Variants in MSN observed in about 807,000 individuals in gnomAD.
The protein encoded by MSN is epididymis luminal protein 70.
In MSN, 2 loss-of-function variants were observed where a neutral mutation model predicts 48.0. The observed-to-expected ratio is 0.04, with a 90% CI of 0.02 to 0.13. The LOEUF (loss-of-function observed/expected upper bound fraction) is 0.13, where lower values mean the gene tolerates loss of function less well. Ranked by LOEUF, MSN falls within the 10% of genes least tolerant of loss-of-function variation. MSN has a pLI of 1.00. For synonymous variants in MSN, 146 were observed against 166.9 expected (o/e 0.87, Z 0.97); for missense variants, 267 against 470.1 (o/e 0.57, Z 3.99).
intron 1 of MSN, among the ~76,000 whole-genome samples, chrX:65,682,388 T>C (rs2071065608): frequency 8.9e-6 from 1 of 112,453 alleles, no homozygotes; most frequent in African/African-American, 3.2e-5. Flanking sequence ...TTTATTGTTG[T>C]TGTTGGGACC....
chrX:65,591,646 G>A (rs1488553945), intron 1 of MSN, among the ~76,000 whole-genome samples: 18 of 111,918 alleles, frequency 1.6e-4, no homozygotes, highest in African/African-American at 5.8e-4. Flanking sequence ...TTACCTGCAG[G>A]TCATACTTTT....
chrX:65,659,136 G>T (rs749992394), intron 1 of MSN, among the ~76,000 whole-genome samples: 1 of 107,563 alleles, frequency 9.3e-6, no homozygotes, highest in African/African-American at 3.4e-5. Context: ...GAGCCACCGT[G>T]CCTGGCTACC....
At chrX:65,629,589 C>T (rs1434593523) in intron 1 of MSN, among the ~76,000 whole-genome samples, 1 of 111,742 alleles carries the variant, frequency 8.9e-6, no homozygotes, top group African/African-American at 3.3e-5. Context: ...ACTTACAGTT[C>T]CACATGGCTG....
chrX:65,616,045 G>T (rs2070368280), intron 1 of MSN, among the ~76,000 whole-genome samples: 1 of 111,124 alleles, frequency 9.0e-6, no homozygotes, highest in Non-Finnish European at 1.9e-5. Flanking sequence ...TGAGGGCTGT[G>T]TTCTGTTCCA....
At chrX:65,611,294 C>T (rs1199953103) in intron 1 of MSN, among the ~76,000 whole-genome samples, 5 of 109,407 alleles carry the variant, frequency 4.6e-5, no homozygotes, top group South Asian at 3.9e-4. Flanking sequence ...CAAGTAGCTG[C>T]GATTACAGGT....
intron 1 of MSN, among the ~76,000 whole-genome samples, chrX:65,643,296 G>A (rs2070671410): frequency 9.0e-6 from 1 of 111,450 alleles, no homozygotes; most frequent in Non-Finnish European, 1.9e-5. Context: ...ACCTTAAGCT[G>A]CCAGGAAAGG....
intron 9 of MSN, 72 bp from the exon 10 acceptor site, chrX:65,737,106 C>T (rs1282559840): frequency 2.6e-6 from 3 of 1,147,946 alleles, no homozygotes; most frequent in South Asian, 4.0e-5. Context: ...TGGATCATTT[C>T]CAGGAACGAA....
intron 1 of MSN, among the ~76,000 whole-genome samples, chrX:65,611,372 C>A (rs1209316743): frequency 9.0e-6 from 1 of 110,704 alleles, no homozygotes; most frequent in Non-Finnish European, 1.9e-5. Context: ...GTTGCCCAGG[C>A]TGATCTCAAA....
intron 8 of MSN, among the ~76,000 whole-genome samples, chrX:65,735,778 T>G (rs1430808790): frequency 8.9e-6 from 1 of 112,216 alleles, no homozygotes; most frequent in Non-Finnish European, 1.9e-5. Flanking sequence ...AATCTCTGCT[T>G]TTGTGAAGCT....
At chrX:65,719,608 C>CA (rs1164837997) in intron 2 of MSN, among the ~76,000 whole-genome samples, 13 of 111,691 alleles carry the variant, frequency 1.2e-4, no homozygotes, top group African/African-American at 3.9e-4. Flanking sequence ...TTGCTTTAGA[C>CA]AGCAGTATCA....
intron 1 of MSN, among the ~76,000 whole-genome samples, chrX:65,704,814 G>A (rs1569464823): frequency 9.7e-6 from 1 of 103,613 alleles, no homozygotes; most frequent in East Asian, 3.0e-4. Context: ...CCGTCACCCA[G>A]GCTGGAGTGC....
chrX:65,736,594 C>A (rs2071678669), intron 8 of MSN, among the ~76,000 whole-genome samples: 1 of 110,514 alleles, frequency 9.0e-6, no homozygotes, highest in Non-Finnish European at 1.9e-5. Context: ...GCCACTATGC[C>A]CAGCCAATTT....
intron 1 of MSN, among the ~76,000 whole-genome samples, chrX:65,694,013 A>C (rs752716718): frequency 9.1e-6 from 1 of 109,922 alleles, no homozygotes; most frequent in Non-Finnish European, 1.9e-5. Flanking sequence ...AGATCGCACC[A>C]CTGCACTACA....
intron 1 of MSN, among the ~76,000 whole-genome samples, chrX:65,674,219 C>G (rs1008392923): frequency 2.3e-4 from 26 of 111,647 alleles, no homozygotes; most frequent in African/African-American, 8.5e-4. Flanking sequence ...CTAGGCCTTG[C>G]TGTCCTAAGA....
At chrX:65,726,635 G>A (rs1157432981) in intron 2 of MSN, among the ~76,000 whole-genome samples, 1 of 110,978 alleles carries the variant, frequency 9.0e-6, no homozygotes, top group Non-Finnish European at 1.9e-5. Context: ...GCATGTGTGT[G>A]TGTGTATTTT....
Position 65,731,851 on chromosome X carries a change from C to A in MSN, c.565C>A (p.Leu189Met), listed in dbSNP as rs1306491560. ...TGTGTCATTTAGGGAGGATGCTGTC[C>A]TGGAATATCTGAAGATTGCTCAAGA... ...HRGMLREDAVLEYLKIAQDLE... is the reference protein window; with the variant it reads ...HRGMLREDAVMEYLKIAQDLE... The change falls in exon 6 of 13, where the codon CTG (leucine) becomes ATG (methionine). Residue 189 changes from leucine (L) to methionine (M), a missense_variant. Leu to Met is a conservative substitution (Grantham distance 15). Coordinates refer to ENST00000360270, the MANE Select transcript of MSN (RefSeq NM_002444.3). 2.5e-6 allele frequency: 3 copies of A among 1,206,255 alleles called. No homozygotes were observed. In the African/African-American group the frequency reaches 5.3e-5, roughly 21 times the overall value.
chrX:65,654,630 C>T (rs1014189430), intron 1 of MSN, among the ~76,000 whole-genome samples: 1 of 111,145 alleles, frequency 9.0e-6, no homozygotes, highest in African/African-American at 3.3e-5. Flanking sequence ...GGCACTTTCT[C>T]TCTCTCTCTT....
chrX:65,600,265 G>C (rs1435097314), intron 1 of MSN, among the ~76,000 whole-genome samples: 1 of 111,141 alleles, frequency 9.0e-6, no homozygotes, highest in African/African-American at 3.3e-5. Context: ...CTGAGAGTTT[G>C]TGTGTCTCCC....
intron 1 of MSN, among the ~76,000 whole-genome samples, chrX:65,670,679 C>G (rs762986590): frequency 9.4e-6 from 1 of 106,386 alleles, no homozygotes; most frequent in Admixed American, 1.0e-4. Flanking sequence ...GCCGAGATCA[C>G]GCCACTGCAC....
Sources: allele counts gnomAD v4.1 joint callset (sites outside exome capture counted in the v4.1 genomes callset), GRCh38; gene constraint gnomAD v4.1.1; transcripts MANE v1.5; gene names NCBI Gene and HGNC (gene_info 2026-07-23, HGNC 2026-07-21).